The following IMMP2L variants were observed in gnomAD, a reference collection of about 807,000 sequenced individuals.
The protein encoded by IMMP2L is mitochondrial inner membrane protease subunit 2.
IMMP2L carries 18 observed loss-of-function variants against 19.3 expected under a neutral mutation model. The ratio of observed to expected loss-of-function variants is 0.93; its 90% CI spans 0.64 to 1.38. The LOEUF (loss-of-function observed/expected upper bound fraction) is 1.38. Ranked by LOEUF, IMMP2L falls within the 40% of genes most tolerant of loss-of-function variation. The probability of loss-of-function intolerance (pLI) is 0.00; values close to 1 mark genes in which losing one functional copy is unlikely to be tolerated. For synonymous variants in IMMP2L, 76 were observed against 73.0 expected (o/e 1.04, Z -0.21); for missense variants, 233 against 218.2 (o/e 1.07, Z -0.43).
intron 3 of IMMP2L, among the ~76,000 whole-genome samples, chr7:111,364,378 A>G (rs1374021741): frequency 6.6e-6 from 1 of 152,126 alleles, no homozygotes; most frequent in African/African-American, 2.4e-5. Flanking sequence ...AACTAGGCAG[A>G]GTATACATAC....
chr7:111,279,953 T>C (rs1380033713), intron 3 of IMMP2L, among the ~76,000 whole-genome samples: 1 of 152,148 alleles, frequency 6.6e-6, no homozygotes. Flanking sequence ...AACCCACTAG[T>C]GTCAACCTTC....
chr7:111,185,940 A>G (rs957547636), intron 3 of IMMP2L, among the ~76,000 whole-genome samples: 1 of 152,146 alleles, frequency 6.6e-6, no homozygotes, highest in African/African-American at 2.4e-5. Flanking sequence ...ATATCTTGAA[A>G]TATTTTTTAC....
chr7:110,720,157 G>A (rs953285712), intron 5 of IMMP2L, among the ~76,000 whole-genome samples: 2 of 152,060 alleles, frequency 1.3e-5, no homozygotes, highest in African/African-American at 4.8e-5. Flanking sequence ...ACTGTAAGGG[G>A]CCATTAACTA....
At chr7:110,773,928 A>G (rs1799208728) in intron 5 of IMMP2L, among the ~76,000 whole-genome samples, 1 of 148,896 alleles carries the variant, frequency 6.7e-6, no homozygotes, top group Non-Finnish European at 1.5e-5. Context: ...AAAAATGTTT[A>G]TAAGTAGCCA....
chr7:111,215,625 A>G (rs376505029), intron 3 of IMMP2L, among the ~76,000 whole-genome samples: 5 of 152,308 alleles, frequency 3.3e-5, no homozygotes, highest in South Asian at 4.1e-4. Flanking sequence ...AGATACAAAA[A>G]GTATCAGATC....
chr7:111,522,497 C>A (rs1227757287), intron 1 of IMMP2L, among the ~76,000 whole-genome samples: 1 of 151,948 alleles, frequency 6.6e-6, no homozygotes, highest in Admixed American at 6.6e-5. Flanking sequence ...TGCCCAAGAG[C>A]TTAACAATAA....
intron 4 of IMMP2L, among the ~76,000 whole-genome samples, chr7:110,891,874 G>A (rs1293519109): frequency 6.6e-6 from 1 of 152,216 alleles, no homozygotes; most frequent in East Asian, 1.9e-4. Flanking sequence ...GGGAAGCATT[G>A]TAAGAAAATG....
At chr7:110,716,080 C>A (rs950423604) in intron 5 of IMMP2L, among the ~76,000 whole-genome samples, 6 of 151,714 alleles carry the variant, frequency 4.0e-5, no homozygotes, top group Non-Finnish European at 7.4e-5. Context: ...AGAATAGTGA[C>A]CCCTGCTTTT....
At chr7:111,410,327 G>A (rs1006775277) in intron 3 of IMMP2L, among the ~76,000 whole-genome samples, 9 of 151,658 alleles carry the variant, frequency 5.9e-5, no homozygotes, top group Admixed American at 3.9e-4. Context: ...GAAATGAGCA[G>A]GCTGATCTGC....
In IMMP2L at chr7:111,176,031, C is replaced by T. The variant is rs559427535; in HGVS notation, c.240-212466G>A. ...AGGTAGATGAAAAGGTGCTCAACAT[C>T]ACTGATCAACAGAGAAATGCAAAGC... is the stretch of plus-strand genomic sequence containing the variant. On this transcript the variant is annotated intron_variant, in intron 3 of 5. Transcript: ENST00000405709. Among the ~76,000 whole-genome samples, 3 of 152,124 alleles carry T rather than the reference C, an allele frequency of 2.0e-5. No individual in the cohort carries two copies. The East Asian group carries it at 5.8e-4, about 29-fold the overall frequency.
At chr7:111,525,937 G>T (rs1202031150) in intron 1 of IMMP2L, among the ~76,000 whole-genome samples, 1 of 151,992 alleles carries the variant, frequency 6.6e-6, no homozygotes, top group Non-Finnish European at 1.5e-5. Flanking sequence ...ATGAAGCAAG[G>T]CTGTCTATTC....
intron 3 of IMMP2L, among the ~76,000 whole-genome samples, chr7:111,005,238 G>A (rs1223394562): frequency 6.6e-6 from 1 of 152,112 alleles, no homozygotes; most frequent in Non-Finnish European, 1.5e-5. Context: ...ACCCAGAATG[G>A]CTGTCTGACA....
At chr7:111,151,456 G>C (rs1430728353) in intron 3 of IMMP2L, among the ~76,000 whole-genome samples, 1 of 152,150 alleles carries the variant, frequency 6.6e-6, no homozygotes, top group Non-Finnish European at 1.5e-5. Flanking sequence ...GGGAGGAAGA[G>C]AGAAAGAGAC....
At chr7:110,706,172 G>A (rs1320846095) in intron 5 of IMMP2L, among the ~76,000 whole-genome samples, 1 of 152,064 alleles carries the variant, frequency 6.6e-6, no homozygotes, top group Non-Finnish European at 1.5e-5. Context: ...GTGCAATCCT[G>A]GCTCACTGCA....
intron 3 of IMMP2L, among the ~76,000 whole-genome samples, chr7:111,354,741 G>C (rs1828526808): frequency 6.6e-6 from 1 of 151,626 alleles, no homozygotes; most frequent in Admixed American, 6.6e-5. Context: ...TAAGCAACTG[G>C]AAGACTTATT....
At chr7:110,885,539 A>G (rs898330714) in intron 5 of IMMP2L, among the ~76,000 whole-genome samples, 1 of 152,018 alleles carries the variant, frequency 6.6e-6, no homozygotes, top group African/African-American at 2.4e-5. Context: ...TACATTCAAC[A>G]TGAAAAAACC....
At chr7:111,122,950 CT>C in intron 3 of IMMP2L, 1 of 1,614,030 alleles carries the variant, frequency 6.2e-7, no homozygotes, top group Non-Finnish European at 8.5e-7. Context: ...TGATTTAGGT[CT>C]TTTAACTTTC....
At chr7:110,966,704 A>G (rs2129555996) in intron 3 of IMMP2L, among the ~76,000 whole-genome samples, 1 of 152,186 alleles carries the variant, frequency 6.6e-6, no homozygotes, top group East Asian at 1.9e-4. Context: ...AAATAATTTC[A>G]GAATGAAAAA....
Position 111,167,492 on chromosome 7 carries a change from T to C in IMMP2L, c.240-203927A>G, listed in dbSNP as rs79424758. 5.7e-3 allele frequency among the ~76,000 whole-genome samples: 868 copies of C among 152,084 alleles called. 7 individuals carry two copies. The highest frequency in any genetic ancestry group is 0.027 in the Middle Eastern group (8 of 294). On this transcript the variant is annotated intron_variant, in intron 3 of 5. Transcript: ENST00000405709. ...CAAGCTCAAGATTATATGCACATCC[T>C]AACTCAGGTGCCCCTCAGCTTCAAA...
Sources: gnomAD v4.1 joint callset for allele counts (sites outside exome capture counted in the v4.1 genomes callset) on GRCh38, gnomAD v4.1.1 for gene constraint, MANE v1.5 for transcripts, NCBI Gene and HGNC (gene_info 2026-07-23, HGNC 2026-07-21) for gene names.